RYR3: variants seen among roughly 807,000 people sequenced by gnomAD.
RYR3 encodes the protein brain ryanodine receptor-calcium release channel.
Under a neutral mutation model 584.3 loss-of-function variants are expected in RYR3, and 207 were observed. That is an observed-to-expected ratio of 0.35 (90% CI 0.32 to 0.40). The LOEUF (loss-of-function observed/expected upper bound fraction) is 0.40, where lower values mean the gene tolerates loss of function less well. Among genes scored for constraint, RYR3 ranks in the 10% least tolerant of loss-of-function variants. The probability of loss-of-function intolerance (pLI) is 1.00; values close to 1 mark genes in which losing one functional copy is unlikely to be tolerated. For synonymous variants in RYR3, 2,416 were observed against 2,248.5 expected, an observed-to-expected ratio of 1.07 and a Z score of -2.11; for missense variants, 5,616 against 6,089.2, an observed-to-expected ratio of 0.92 and a Z score of 2.59.
intron 16 of RYR3, among the ~76,000 whole-genome samples, chr15:33,595,901 A>T (rs1259295183): frequency 1.3e-5 from 2 of 152,088 alleles, no homozygotes; most frequent in East Asian, 1.9e-4. Context: ...AATTTTTTTT[A>T]AAGTGTAAAT....
intron 68 of RYR3, 126 bp from the exon 69 acceptor site, chr15:33,801,743 A>T: frequency 1.6e-6 from 1 of 616,500 alleles, no homozygotes; most frequent in Admixed American, 2.9e-5. Flanking sequence ...TTAGTTTTTC[A>T]CGTGTCTTTG....
chr15:33,667,661 T>C (rs2063560532), intron 36 of RYR3, among the ~76,000 whole-genome samples: 1 of 152,214 alleles, frequency 6.6e-6, no homozygotes, highest in Admixed American at 6.5e-5. Context: ...ATTATTTCTC[T>C]TTGTAGTCCT....
intron 27 of RYR3, among the ~76,000 whole-genome samples, chr15:33,641,397 G>A (rs1426371435): frequency 1.3e-5 from 2 of 152,116 alleles, no homozygotes; most frequent in Admixed American, 6.6e-5. Context: ...CAAGGTATTT[G>A]GTAAATATTT....
intron 1 of RYR3, among the ~76,000 whole-genome samples, chr15:33,405,710 G>A (rs1194511243): frequency 1.3e-5 from 2 of 152,154 alleles, no homozygotes; most frequent in Non-Finnish European, 1.5e-5. Context: ...ACTCAAATGA[G>A]GTTGCAAAGA....
chr15:33,368,415 T>C (rs1422089385), intron 1 of RYR3, among the ~76,000 whole-genome samples: 1 of 148,004 alleles, frequency 6.8e-6, no homozygotes, highest in Non-Finnish European at 1.5e-5. Flanking sequence ...GCTTCTCTTC[T>C]CTTAGAGTCA....
intron 2 of RYR3, among the ~76,000 whole-genome samples, chr15:33,485,529 A>G (rs536465933): frequency 6.6e-6 from 1 of 152,352 alleles, no homozygotes; most frequent in East Asian, 1.9e-4. Context: ...CAAGGAACTG[A>G]CTTTCAGATA....
intron 93 of RYR3, among the ~76,000 whole-genome samples, chr15:33,846,073 G>A: frequency 6.6e-6 from 1 of 152,238 alleles, no homozygotes; most frequent in South Asian, 2.1e-4. Context: ...TGGGGTAGCT[G>A]GGCCTCTCTC....
At chr15:33,386,693 C>T (rs1339237812) in intron 1 of RYR3, among the ~76,000 whole-genome samples, 1 of 152,160 alleles carries the variant, frequency 6.6e-6, no homozygotes, top group Non-Finnish European at 1.5e-5. Flanking sequence ...TTCCCCCTTC[C>T]CTCAGCTTCT....
chr15:33,561,159 TTC>T (rs1476558124), intron 10 of RYR3, among the ~76,000 whole-genome samples: 3 of 152,276 alleles, frequency 2.0e-5, no homozygotes, highest in South Asian at 2.1e-4. Flanking sequence ...GTGTTGAACT[TTC>T]TGTTATAAAT....
At chr15:33,465,779 T>C (rs2048436219) in intron 1 of RYR3, 1 of 518,738 alleles carries the variant, frequency 1.9e-6, no homozygotes, top group Non-Finnish European at 3.8e-6. Flanking sequence ...GATGGTACAA[T>C]CACATATATT....
chr15:33,421,532 A>G (rs2141612319), intron 1 of RYR3, among the ~76,000 whole-genome samples: 1 of 152,286 alleles, frequency 6.6e-6, no homozygotes, highest in East Asian at 1.9e-4. Context: ...GATGATGTCT[A>G]GGTTTCTGGT....
rs1035112740 is a variant in RYR3, at chr15:33,550,132, C to G, written c.816-28C>G. On this transcript the variant is annotated intron_variant, in intron 9 of 103. Coordinates refer to ENST00000634891, the MANE Select transcript of RYR3 (RefSeq NM_001036.6). ...AAAAGGACTTATTTTTGTATAAATG[C>G]AATTTCTTGTCTGTTTCATCTGCCC... 2.5e-6 allele frequency: 4 copies of G among 1,603,728 alleles called. No homozygotes were observed. The African/African-American group carries it at 5.4e-5, about 22-fold the overall frequency.
At chr15:33,768,774 A>G in intron 61 of RYR3, 67 bp downstream of exon 61, 1 of 1,495,464 alleles carries the variant, frequency 6.7e-7, no homozygotes, top group South Asian at 1.1e-5. Flanking sequence ...CTTTGCCTTT[A>G]TTTGTGTCTT....
intron 52 of RYR3, among the ~76,000 whole-genome samples, chr15:33,743,759 G>A (rs1416328799): frequency 1.3e-5 from 2 of 152,154 alleles, no homozygotes; most frequent in East Asian, 1.9e-4. Flanking sequence ...TCACCCAGAC[G>A]ACTGGGATAA....
At chr15:33,505,380 G>A (rs917165925) in intron 3 of RYR3, among the ~76,000 whole-genome samples, 7 of 152,336 alleles carry the variant, frequency 4.6e-5, no homozygotes, top group African/African-American at 1.7e-4. Context: ...ATTAACAAAG[G>A]TGAGATTTTT....
chr15:33,415,952 C>T (rs927923306), intron 1 of RYR3, among the ~76,000 whole-genome samples: 10 of 152,106 alleles, frequency 6.6e-5, no homozygotes, highest in Non-Finnish European at 1.3e-4. Context: ...TAAGTGAGAA[C>T]ATCTGGGTTT....
At chr15:33,635,314 T>C (rs575096126) in intron 25 of RYR3, among the ~76,000 whole-genome samples, 1 of 152,328 alleles carries the variant, frequency 6.6e-6, no homozygotes, top group African/African-American at 2.4e-5. Flanking sequence ...TCTTTGAGCC[T>C]GAATTTCTTC....
intron 9 of RYR3, among the ~76,000 whole-genome samples, chr15:33,549,203 T>C (rs2056484031): frequency 1.3e-5 from 2 of 152,218 alleles, no homozygotes; most frequent in Admixed American, 1.3e-4. Flanking sequence ...AACATACTCT[T>C]GTTCTCAGGA....
In RYR3 at chr15:33,805,585, C is replaced by T. The variant is rs550706186; in HGVS notation, c.10012-1970C>T. Among the ~76,000 whole-genome samples, 17 of 151,944 alleles carry T rather than the reference C, an allele frequency of 1.1e-4. No homozygotes were observed. In the East Asian group the frequency reaches 2.7e-3, roughly 24 times the overall value. On this transcript the variant is annotated intron_variant, in intron 69 of 103. Transcript: ENST00000634891. ...CTCCGCCTCCCTGGTTCACACCATT[C>T]TCCTGCCTCAGCCTCCCAAGTAGCT...
Sources: allele counts gnomAD v4.1 joint callset (sites outside exome capture counted in the v4.1 genomes callset), GRCh38; gene constraint gnomAD v4.1.1; transcripts MANE v1.5; gene names NCBI Gene and HGNC (gene_info 2026-07-23, HGNC 2026-07-21).